SMG6: variants seen among roughly 807,000 people sequenced by gnomAD.
The protein encoded by SMG6 is telomerase-binding protein EST1A.
A neutral mutation model predicts 142.2 loss-of-function variants in SMG6; 66 were observed. That is an observed-to-expected ratio of 0.46 (90% CI 0.38 to 0.57). The LOEUF is 0.57. Ranked by LOEUF, SMG6 falls within the 20% of genes least tolerant of loss-of-function variation. The pLI is 0.00. For missense variants in SMG6, 1,793 were observed against 1,832.0 expected (o/e 0.98, Z 0.39); for synonymous variants, 779 against 702.4 (o/e 1.11, Z -1.72).
At chr17:2,269,256 T>C (rs1172431845) in intron 8 of SMG6, among the ~76,000 whole-genome samples, 1 of 144,882 alleles carries the variant, frequency 6.9e-6, no homozygotes, top group African/African-American at 2.6e-5. Context: ...CCGGGTGCAG[T>C]GGTAGGTGCC....
chr17:2,283,042 T>C (rs900552211), intron 7 of SMG6, among the ~76,000 whole-genome samples, 183 bp from the exon 8 acceptor site: 1 of 152,084 alleles, frequency 6.6e-6, no homozygotes, highest in African/African-American at 2.4e-5. Flanking sequence ...TGGTGGCGCA[T>C]ATCTGTAATC....
chr17:2,106,783 GAA>G (rs2069167573), intron 13 of SMG6, among the ~76,000 whole-genome samples: 1 of 151,684 alleles, frequency 6.6e-6, no homozygotes. Context: ...TGACAGGAAA[GAA>G]AGAGTGAAAG....
intron 13 of SMG6, chr17:2,122,400 G>A (rs1398746302): frequency 6.6e-6 from 1 of 152,176 alleles, no homozygotes; most frequent in African/African-American, 2.4e-5. Flanking sequence ...AATCCCTGTT[G>A]CCGTCACTAA....
rs1259917585 is a variant in SMG6, at chr17:2,300,189, C to T, written c.564G>A (p.Lys188=). Residue 188 remains lysine (K), a synonymous_variant, in exon 2 of 19, where the codon AAG becomes AAA. Transcript: ENST00000263073. ...TGTCTGGTTTATTCGCAACTTCCTC[C>T]TTCGCAACATTTCCCCTACACTCAT... is the stretch of plus-strand genomic sequence containing the variant. The part of the protein sequence containing the change: ...EEDECRGNVA[K]EEVANKPDRA... 6.2e-7 allele frequency: 1 copy of T among 1,613,978 alleles called. No homozygotes were observed. Among genetic ancestry groups the T allele is most frequent in the South Asian group, 1.1e-5 (1 of 91,086 alleles).
chr17:2,147,390 C>A (rs1283231600), intron 13 of SMG6, among the ~76,000 whole-genome samples: 2 of 151,864 alleles, frequency 1.3e-5, no homozygotes, highest in Non-Finnish European at 2.9e-5. Context: ...AAGACTACAT[C>A]TCAAAAAAAC....
At chr17:2,108,427 GCC>G (rs1258307525) in intron 13 of SMG6, among the ~76,000 whole-genome samples, 1 of 152,160 alleles carries the variant, frequency 6.6e-6, no homozygotes, top group Non-Finnish European at 1.5e-5. Context: ...GACCAGCCTG[GCC>G]AACATAGTGA....
At chr17:2,201,324 T>C (rs2072513914) in intron 10 of SMG6, among the ~76,000 whole-genome samples, 2 of 152,120 alleles carry the variant, frequency 1.3e-5, no homozygotes, top group South Asian at 2.1e-4. Context: ...ATGGCAATAA[T>C]AAAACAGATG....
At chr17:2,249,129 G>A (rs928267086) in intron 8 of SMG6, among the ~76,000 whole-genome samples, 1 of 151,460 alleles carries the variant, frequency 6.6e-6, no homozygotes, top group Admixed American at 6.6e-5. Flanking sequence ...TCCTGACCTT[G>A]TGATCCGCCC....
chr17:2,087,251 C>T (rs1023213051), intron 13 of SMG6: 100 of 1,287,240 alleles, frequency 7.8e-5, no homozygotes, highest in Admixed American at 3.2e-4. Context: ...CAGGGAAGCT[C>T]GGCTGGGTAC....
At position 2,289,078 on chromosome 17, in the gene SMG6, C is replaced by CA. The variant is rs34494754; in HGVS notation, c.2337+3473dup. On this transcript the variant is annotated intron_variant, in intron 6 of 18. Coordinates refer to ENST00000263073, the MANE Select transcript of SMG6 (RefSeq NM_017575.5). ...TGGGCAACAGAGCAAGACTCTGTCT[C>CA]AAAAAAAAAAAAAAAAAAAAAATTA... Among the ~76,000 whole-genome samples the CA allele has an allele frequency of 4.9e-3, 429 of 87,902 alleles. 2 individuals are homozygous for CA. Among genetic ancestry groups the CA allele is most frequent in the South Asian group, 0.019 (48 of 2,594 alleles). The allele number at this position is 87,902 out of a possible 152,430, so 57.7% of individuals were successfully genotyped here.
intron 13 of SMG6, among the ~76,000 whole-genome samples, chr17:2,155,815 C>T (rs1192194020): frequency 6.6e-6 from 1 of 152,168 alleles, no homozygotes; most frequent in Non-Finnish European, 1.5e-5. Flanking sequence ...GAGGAAGCTG[C>T]CATGTCTACC....
intron 13 of SMG6, among the ~76,000 whole-genome samples, chr17:2,098,420 C>T (rs919389425): frequency 1.4e-4 from 22 of 152,236 alleles, no homozygotes; most frequent in African/African-American, 5.3e-4. Context: ...GTCTTCTCCC[C>T]ATGCCTGAAG....
chr17:2,099,915 T>G (rs2068959111), intron 13 of SMG6, among the ~76,000 whole-genome samples: 1 of 152,190 alleles, frequency 6.6e-6, no homozygotes, highest in South Asian at 2.1e-4. Context: ...CAGGCTGGAG[T>G]GCAGTGGTGA....
At chr17:2,080,203 G>C (rs1165750495) in intron 15 of SMG6, among the ~76,000 whole-genome samples, 6 of 152,156 alleles carry the variant, frequency 3.9e-5, no homozygotes, top group Non-Finnish European at 8.8e-5. Flanking sequence ...CAGATCACCT[G>C]AGGTCAGGAG....
At chr17:2,099,827 A>G (rs1021634984) in intron 13 of SMG6, among the ~76,000 whole-genome samples, 4 of 152,174 alleles carry the variant, frequency 2.6e-5, no homozygotes, top group African/African-American at 9.7e-5. Context: ...CTGTATCACA[A>G]TCACACGCTG....
chr17:2,248,460 C>T (rs2073971207), intron 8 of SMG6, among the ~76,000 whole-genome samples: 1 of 152,208 alleles, frequency 6.6e-6, no homozygotes, highest in Non-Finnish European at 1.5e-5. Flanking sequence ...TTTGGAACAT[C>T]TGTGCTTCTA....
chr17:2,257,749 T>A (rs1476751740), intron 8 of SMG6, among the ~76,000 whole-genome samples: 1 of 151,982 alleles, frequency 6.6e-6, no homozygotes, highest in Non-Finnish European at 1.5e-5. Flanking sequence ...CTGGGCCTGG[T>A]GGCTCATGCT....
chr17:2,291,113 C>G (rs999078027), intron 6 of SMG6, among the ~76,000 whole-genome samples: 1 of 152,060 alleles, frequency 6.6e-6, no homozygotes. Context: ...GGGCGGATCA[C>G]GAGGTCAGGA....
intron 10 of SMG6, among the ~76,000 whole-genome samples, chr17:2,230,747 A>T (rs2073466862): frequency 6.6e-6 from 1 of 152,218 alleles, no homozygotes; most frequent in South Asian, 2.1e-4. Flanking sequence ...ACAGGGAAAG[A>T]GGGCAGAGCT....
Sources: gnomAD v4.1 joint callset for allele counts (sites outside exome capture counted in the v4.1 genomes callset) on GRCh38, gnomAD v4.1.1 for gene constraint, MANE v1.5 for transcripts, NCBI Gene and HGNC (gene_info 2026-07-23, HGNC 2026-07-21) for gene names.